Variants in AFF2 observed in about 807,000 individuals in gnomAD.
The protein encoded by AFF2 is AF4/FMR2 family member 2.
In AFF2, 14 loss-of-function variants were observed where a neutral mutation model predicts 76.9. That is an observed-to-expected ratio of 0.18 (90% confidence interval 0.12 to 0.28). The LOEUF is 0.28. Ranked by LOEUF, AFF2 falls within the 10% of genes least tolerant of loss-of-function variation. AFF2 has a pLI of 1.00. For missense variants in AFF2, 868 were observed against 1,001.1 expected, an observed-to-expected ratio of 0.87 and a Z score of 1.79; for synonymous variants, 398 against 366.7, an observed-to-expected ratio of 1.09 and a Z score of -0.98.
At chrX:148,619,332 T>C (rs782500678) in intron 1 of AFF2, among the ~76,000 whole-genome samples, 84 of 111,633 alleles carry the variant, frequency 7.5e-4, no homozygotes, top group Non-Finnish European at 1.5e-3. Flanking sequence ...AGTCTGACTA[T>C]TGAAACAGCA....
At chrX:148,699,324 A>G (rs1411288925) in intron 3 of AFF2, among the ~76,000 whole-genome samples, 2 of 112,662 alleles carry the variant, frequency 1.8e-5, no homozygotes, top group Non-Finnish European at 3.7e-5. Context: ...GCATTCACAC[A>G]TACACTCAGT....
In AFF2 at chrX:148,656,675, AT is replaced by A. The variant is rs376339103; in HGVS notation, c.180+4550del. ...CCACTACGCCCGGCTAATTTTTTGT[AT>A]TTTTTAGTAGAGACGGGGTTTCACC... On this transcript the variant is annotated intron_variant, in intron 2 of 20. Transcript: ENST00000370460. Among the ~76,000 whole-genome samples, 431 of 104,918 alleles carry A rather than the reference AT, an allele frequency of 4.1e-3. 3 individuals are homozygous for A. The highest frequency in any genetic ancestry group is 0.014 in the African/African-American group (401 of 28,545). 91.1% of individuals were successfully genotyped at this position (104,918 alleles called of 115,157 possible).
chrX:148,654,781 T>C (rs1446662364), intron 2 of AFF2, among the ~76,000 whole-genome samples: 2 of 108,863 alleles, frequency 1.8e-5, no homozygotes, highest in African/African-American at 3.3e-5. Context: ...GCCTCCATTT[T>C]CTGCAGAAAA....
intron 9 of AFF2, among the ~76,000 whole-genome samples, chrX:148,931,788 T>C (rs1207290377): frequency 1.8e-5 from 2 of 111,914 alleles, no homozygotes; most frequent in African/African-American, 6.5e-5. Flanking sequence ...AGAACACCAT[T>C]ATGGGAAGAA....
Position 148,504,453 on chromosome X carries a change from C to T in AFF2, c.47+3309C>T, listed in dbSNP as rs781797413. ...ACTGTGACAGTGGCTGGCTTCTCAC[C>T]GCAAGGGACAGCATCAATTGTTTGT... is the stretch of plus-strand genomic sequence containing the variant. On this transcript the variant is annotated intron_variant, in intron 1 of 20. Transcript: ENST00000370460. Among the ~76,000 whole-genome samples the T allele has an allele frequency of 3.2e-4, 36 of 112,603 alleles. 1 individual carries two copies. The East Asian group carries it at 4.2e-3, about 13-fold the overall frequency.
chrX:148,581,004 A>C, intron 1 of AFF2, among the ~76,000 whole-genome samples: 1 of 40,277 alleles, frequency 2.5e-5, no homozygotes, highest in Non-Finnish European at 4.9e-5. Flanking sequence ...ACATATATGC[A>C]CCTCCTACAC....
intron 1 of AFF2, among the ~76,000 whole-genome samples, chrX:148,631,162 G>C (rs782566786): frequency 9.0e-6 from 1 of 111,474 alleles, no homozygotes; most frequent in Non-Finnish European, 1.9e-5. Flanking sequence ...TTAGTTGCAG[G>C]GTTCCAGAAG....
intron 3 of AFF2, among the ~76,000 whole-genome samples, chrX:148,784,917 G>A (rs1457181371): frequency 1.8e-5 from 2 of 111,725 alleles, no homozygotes; most frequent in Non-Finnish European, 3.8e-5. Flanking sequence ...GACATAAGTG[G>A]GTGACACAAA....
At chrX:148,879,952 G>A (rs1375906580) in intron 7 of AFF2, among the ~76,000 whole-genome samples, 5 of 111,831 alleles carry the variant, frequency 4.5e-5, no homozygotes, top group African/African-American at 1.6e-4. Context: ...TGAACCCCTT[G>A]GAAGGCCATC....
intron 1 of AFF2, among the ~76,000 whole-genome samples, chrX:148,524,231 A>G (rs188712133): frequency 2.0e-3 from 221 of 108,918 alleles, no homozygotes; most frequent in Non-Finnish European, 3.1e-3. Context: ...AAGTAAATAT[A>G]TGCCCCTATA....
intron 9 of AFF2, 64 bp downstream of exon 9, chrX:148,904,322 T>A: frequency 1.4e-6 from 1 of 699,203 alleles, no homozygotes; most frequent in Non-Finnish European, 2.2e-6. Flanking sequence ...TGTGAAAAAA[T>A]AAGGTCATAA....
chrX:148,606,776 T>C (rs1341193092), intron 1 of AFF2, among the ~76,000 whole-genome samples: 1 of 111,908 alleles, frequency 8.9e-6, no homozygotes, highest in Non-Finnish European at 1.9e-5. Flanking sequence ...ATCATGATTA[T>C]AAACGTCAAA....
chrX:148,598,263 C>A (rs1410834798), intron 1 of AFF2, among the ~76,000 whole-genome samples: 1 of 111,678 alleles, frequency 9.0e-6, no homozygotes, highest in Non-Finnish European at 1.9e-5. Context: ...TCACTGCCAG[C>A]ATTAAAACTT....
intron 8 of AFF2, among the ~76,000 whole-genome samples, chrX:148,899,435 A>G (rs782814229): frequency 8.9e-6 from 1 of 111,773 alleles, no homozygotes; most frequent in Non-Finnish European, 1.9e-5. Flanking sequence ...TTACCAATAC[A>G]TGCTGCTAGG....
chrX:148,672,993 GA>G (rs1258326056), intron 3 of AFF2, among the ~76,000 whole-genome samples: 3 of 111,538 alleles, frequency 2.7e-5, no homozygotes, highest in South Asian at 7.5e-4. Flanking sequence ...TTGAGCCCCT[GA>G]AAAATAGATT....
At chrX:148,603,649 G>C (rs782400652) in intron 1 of AFF2, among the ~76,000 whole-genome samples, 1 of 110,097 alleles carries the variant, frequency 9.1e-6, no homozygotes, top group Admixed American at 9.7e-5. Flanking sequence ...GCAGTGAGCC[G>C]TTTCAGTGGG....
chrX:148,515,578 T>A (rs782311913), intron 1 of AFF2, among the ~76,000 whole-genome samples: 2 of 111,773 alleles, frequency 1.8e-5, no homozygotes, highest in African/African-American at 3.3e-5. Flanking sequence ...ATAATGATAG[T>A]CTCCCATTTA....
chrX:148,904,383 A>C, intron 9 of AFF2, 125 bp downstream of exon 9: 1 of 459,955 alleles, frequency 2.2e-6, no homozygotes, highest in South Asian at 3.7e-5. Flanking sequence ...TTTAAAGACA[A>C]AAACAAAACA....
intron 1 of AFF2, among the ~76,000 whole-genome samples, chrX:148,511,857 G>A (rs1394224198): frequency 8.9e-6 from 1 of 112,316 alleles, no homozygotes; most frequent in Non-Finnish European, 1.9e-5. Flanking sequence ...AGTTTGTTGG[G>A]TACCTTCAAT....
Sources: allele counts gnomAD v4.1 joint callset (sites outside exome capture counted in the v4.1 genomes callset), GRCh38; gene constraint gnomAD v4.1.1; transcripts MANE v1.5; gene names NCBI Gene and HGNC (gene_info 2026-07-23, HGNC 2026-07-21).